CA10: variants seen among roughly 807,000 people sequenced by gnomAD.
CA10 encodes carbonic anhydrase 10 (inactive).
A neutral mutation model predicts 44.2 loss-of-function variants in CA10; 14 were observed. That is an observed-to-expected ratio of 0.32 (90% CI 0.21 to 0.50). The LOEUF is 0.50. Among genes scored for constraint, CA10 ranks in the 20% least tolerant of loss-of-function variants. The probability of loss-of-function intolerance (pLI) is 0.99; values close to 1 mark genes in which losing one functional copy is unlikely to be tolerated. For synonymous variants in CA10, 159 were observed against 141.6 expected, an observed-to-expected ratio of 1.12 and a Z score of -0.87; for missense variants, 350 against 409.7, an observed-to-expected ratio of 0.85 and a Z score of 1.26.
At chr17:51,812,849 A>C (rs1312086157) in intron 3 of CA10, among the ~76,000 whole-genome samples, 1 of 152,088 alleles carries the variant, frequency 6.6e-6, no homozygotes, top group East Asian at 1.9e-4. Flanking sequence ...TGCTGACAGC[A>C]CTCTTGGAGT....
At chr17:52,059,732 C>T (rs1419399433) in intron 2 of CA10, among the ~76,000 whole-genome samples, 1 of 151,974 alleles carries the variant, frequency 6.6e-6, no homozygotes, top group East Asian at 1.9e-4. Flanking sequence ...TATGACCTTA[C>T]ACAGTTAATG....
intron 2 of CA10, among the ~76,000 whole-genome samples, chr17:52,019,961 T>TA (rs1273161046): frequency 1.1e-4 from 16 of 151,850 alleles, no homozygotes; most frequent in Non-Finnish European, 2.4e-4. Flanking sequence ...TTTTCTGGAT[T>TA]AAAAAAAGTT....
chr17:51,786,783 C>G (rs2143688905), intron 3 of CA10, among the ~76,000 whole-genome samples: 1 of 151,936 alleles, frequency 6.6e-6, no homozygotes, highest in Non-Finnish European at 1.5e-5. Context: ...TCAGATTTTC[C>G]CCATTCAGTA....
intron 3 of CA10, among the ~76,000 whole-genome samples, chr17:51,800,519 A>G (rs1906886285): frequency 5.3e-5 from 8 of 152,212 alleles, no homozygotes; most frequent in Admixed American, 5.2e-4. Context: ...TAAAAAAACA[A>G]GAACCAAATG....
At chr17:51,900,469 T>C (rs1450753253) in intron 3 of CA10, among the ~76,000 whole-genome samples, 1 of 152,162 alleles carries the variant, frequency 6.6e-6, no homozygotes, top group Non-Finnish European at 1.5e-5. Context: ...TTTGTTTCTT[T>C]CATTTCAACC....
chr17:52,005,768 T>TC (rs1405063432), intron 2 of CA10, among the ~76,000 whole-genome samples: 1 of 151,910 alleles, frequency 6.6e-6, no homozygotes, highest in African/African-American at 2.4e-5. Context: ...AATGTATTGA[T>TC]CTCTTGGCTC....
At chr17:51,687,862 T>G (rs115982578) in intron 4 of CA10, among the ~76,000 whole-genome samples, 5,406 of 152,288 alleles carry the variant, frequency 0.035, 347 homozygotes, top group African/African-American at 0.12. Flanking sequence ...ATAATTGTGG[T>G]ATCCAGCCTT....
intron 3 of CA10, among the ~76,000 whole-genome samples, chr17:51,848,422 A>T (rs548477563): frequency 1.3e-5 from 2 of 152,146 alleles, no homozygotes; most frequent in Non-Finnish European, 1.5e-5. Flanking sequence ...AATTGGTCTG[A>T]TATTAACTAT....
chr17:51,745,652 T>C (rs990231006), intron 4 of CA10, among the ~76,000 whole-genome samples: 1 of 152,196 alleles, frequency 6.6e-6, no homozygotes, highest in African/African-American at 2.4e-5. Flanking sequence ...GGTTCACGTA[T>C]AAGTTACAAA....
chr17:51,978,432 A>G (rs895113824), intron 2 of CA10, among the ~76,000 whole-genome samples: 1 of 151,290 alleles, frequency 6.6e-6, no homozygotes, highest in Non-Finnish European at 1.5e-5. Flanking sequence ...ATGCAAAGGT[A>G]CCAAAGCAAT....
chr17:51,791,411 A>G (rs1179450172), intron 3 of CA10, among the ~76,000 whole-genome samples: 4 of 152,200 alleles, frequency 2.6e-5, no homozygotes, highest in Non-Finnish European at 5.9e-5. Flanking sequence ...TTTTGATTGG[A>G]ATGCAGAGTG....
At chr17:52,089,901 A>G (rs1316134036) in intron 1 of CA10, among the ~76,000 whole-genome samples, 2 of 152,182 alleles carry the variant, frequency 1.3e-5, no homozygotes, top group African/African-American at 4.8e-5. Context: ...TACACAGATT[A>G]CTAAAATTTT....
intron 1 of CA10, among the ~76,000 whole-genome samples, chr17:52,124,629 G>C (rs1989080875): frequency 6.6e-6 from 1 of 152,068 alleles, no homozygotes; most frequent in Non-Finnish European, 1.5e-5. Flanking sequence ...TTTTCTCCAT[G>C]ACTGCTCATT....
chr17:52,061,530 C>T (rs540523640), intron 2 of CA10, among the ~76,000 whole-genome samples: 86 of 152,228 alleles, frequency 5.6e-4, no homozygotes, highest in African/African-American at 1.9e-3. Context: ...CCACCCAAAT[C>T]TCATCTTAAA....
At chr17:51,832,116 C>T (rs1908305136) in intron 3 of CA10, among the ~76,000 whole-genome samples, 2 of 152,164 alleles carry the variant, frequency 1.3e-5, no homozygotes, top group Non-Finnish European at 2.9e-5. Flanking sequence ...TTGAATCTGG[C>T]TCTTCCACAC....
At chr17:51,646,969 T>A (rs1913365726) in intron 6 of CA10, among the ~76,000 whole-genome samples, 1 of 152,068 alleles carries the variant, frequency 6.6e-6, no homozygotes. Flanking sequence ...AAATCAGCTA[T>A]CTTTCCCCAT....
intron 2 of CA10, among the ~76,000 whole-genome samples, chr17:52,063,956 G>T (rs763935396): frequency 1.3e-5 from 2 of 152,178 alleles, no homozygotes; most frequent in African/African-American, 2.4e-5. Context: ...TGGCAAAGAT[G>T]AACAGATTTT....
chr17:51,704,001 C>T (rs568968205), intron 4 of CA10, among the ~76,000 whole-genome samples: 3 of 152,218 alleles, frequency 2.0e-5, no homozygotes, highest in East Asian at 1.9e-4. Context: ...TGCCATGACT[C>T]GAGAAAGGTT....
chr17:51,776,701 CTGAG>C (rs1305948673), intron 3 of CA10, among the ~76,000 whole-genome samples: 23 of 152,286 alleles, frequency 1.5e-4, no homozygotes, highest in African/African-American at 5.3e-4. Flanking sequence ...AGTAACTGAA[CTGAG>C]TATCTGTTTT....
Sources: allele counts gnomAD v4.1 joint callset (sites outside exome capture counted in the v4.1 genomes callset), GRCh38; gene constraint gnomAD v4.1.1; transcripts MANE v1.5; gene names NCBI Gene and HGNC (gene_info 2026-07-23, HGNC 2026-07-21).